The following CENPP variants were observed in gnomAD, a reference collection of about 807,000 sequenced individuals.
CENPP encodes centromere protein P.
A neutral mutation model predicts 35.6 loss-of-function variants in CENPP; 24 were observed. That is an observed-to-expected ratio of 0.67 (90% confidence interval 0.49 to 0.95). CENPP has a LOEUF of 0.95. CENPP is among the 40% of genes least tolerant of loss of function. The pLI is 0.00. For synonymous variants in CENPP, 120 were observed against 125.5 expected (o/e 0.96, Z 0.29); for missense variants, 332 against 345.3 (o/e 0.96, Z 0.31).
At chr9:92,427,641 T>G (rs1002570682) in intron 5 of CENPP, among the ~76,000 whole-genome samples, 14 of 151,628 alleles carry the variant, frequency 9.2e-5, no homozygotes, top group Admixed American at 3.9e-4. Flanking sequence ...CCACCATGTC[T>G]GGCTAATTTT....
intron 5 of CENPP, among the ~76,000 whole-genome samples, chr9:92,447,276 A>G (rs896299463): frequency 2.0e-5 from 3 of 151,980 alleles, no homozygotes; most frequent in Non-Finnish European, 4.4e-5. Context: ...GATCACCATC[A>G]TGTAGAATCA....
intron 5 of CENPP, among the ~76,000 whole-genome samples, chr9:92,551,288 T>C (rs1159423278): frequency 2.0e-5 from 3 of 152,102 alleles, no homozygotes; most frequent in African/African-American, 7.2e-5. Flanking sequence ...AGTAAGGAGT[T>C]AAGTATAGAA....
intron 5 of CENPP, among the ~76,000 whole-genome samples, chr9:92,528,310 AG>A (rs1324731104): frequency 2.0e-5 from 3 of 152,146 alleles, no homozygotes; most frequent in Non-Finnish European, 4.4e-5. Flanking sequence ...AGTTGCAGTG[AG>A]GGGAACACAG....
intron 5 of CENPP, chr9:92,393,238 G>A: frequency 6.4e-6 from 10 of 1,562,440 alleles, no homozygotes; most frequent in Non-Finnish European, 8.7e-6. Context: ...CAGACACGTG[G>A]GCATTTCTAA....
In CENPP at chr9:92,362,623, A is replaced by G. The variant is rs113422587; in HGVS notation, c.467+16836A>G. ...ACTAATTTTTTCTCCTTTGGCTCCA[A>G]TATGCAATCTGTGGGGACAGACTTG... On this transcript the variant is annotated intron_variant, in intron 4 of 7. Transcript: ENST00000375587. 6.6e-3 allele frequency among the ~76,000 whole-genome samples: 1,005 copies of G among 152,302 alleles called. 8 individuals carry two copies. The highest frequency in any genetic ancestry group is 0.01 in the Non-Finnish European group (693 of 68,032).
rs541468778 is a variant in CENPP, at chr9:92,530,620, T to C, written c.565-80694T>C. ...TTATATCTTTCTGGTGCATTTATCATTAGGTGGATACTTTCAGTGTCTCCG... is the reference window on the plus strand; with the variant it reads ...TTATATCTTTCTGGTGCATTTATCACTAGGTGGATACTTTCAGTGTCTCCG... On this transcript the variant is annotated intron_variant, in intron 5 of 7. Transcript: ENST00000375587. 4.6e-5 allele frequency among the ~76,000 whole-genome samples: 7 copies of C among 152,334 alleles called. No homozygotes were observed. The South Asian group carries it at 1.2e-3, about 27-fold the overall frequency.
chr9:92,613,140 GAAC>G lies in CENPP; in HGVS notation c.862_864del (p.Asn288del), dbSNP rs763188931. The G allele has an allele frequency of 2.5e-6, 4 of 1,614,160 alleles. No homozygotes were observed. Among genetic ancestry groups the G allele is most frequent in the Non-Finnish European group, 3.4e-6 (4 of 1,180,022 alleles). On this transcript the variant is annotated inframe_deletion, in exon 8 of 8. Coordinates refer to ENST00000375587, the MANE Select transcript of CENPP (RefSeq NM_001012267.3). ...TGATAAAATCGCTTTGTGCAGAGGA[GAAC>G]AACTAGTTCCAAAACAGTGAACGTG...
chr9:92,374,610 A>G (rs558679435), intron 4 of CENPP, among the ~76,000 whole-genome samples: 2 of 152,110 alleles, frequency 1.3e-5, no homozygotes, highest in South Asian at 2.1e-4. Flanking sequence ...TCTTATATCT[A>G]TGTTTCTCCC....
intron 5 of CENPP, among the ~76,000 whole-genome samples, chr9:92,559,374 C>T (rs904109560): frequency 1.3e-5 from 2 of 152,168 alleles, no homozygotes; most frequent in Non-Finnish European, 2.9e-5. Context: ...AAACTTCTCC[C>T]GCAAACAGAC....
intron 4 of CENPP, among the ~76,000 whole-genome samples, chr9:92,357,144 C>A (rs1841610220): frequency 6.6e-6 from 1 of 151,850 alleles, no homozygotes; most frequent in Admixed American, 6.6e-5. Context: ...ACTATTGTTG[C>A]AAAAATACTA....
chr9:92,440,948 A>G (rs1276377883), intron 5 of CENPP, among the ~76,000 whole-genome samples: 1 of 152,166 alleles, frequency 6.6e-6, no homozygotes. Flanking sequence ...AATGAAACCA[A>G]TTTTACCATA....
intron 5 of CENPP, among the ~76,000 whole-genome samples, chr9:92,591,155 C>T (rs960437967): frequency 6.6e-6 from 1 of 152,112 alleles, no homozygotes; most frequent in South Asian, 2.1e-4. Flanking sequence ...TGCGGTGGCT[C>T]ACGCCTGTAA....
chr9:92,353,707 T>A (rs1841522711), intron 4 of CENPP, among the ~76,000 whole-genome samples: 1 of 152,158 alleles, frequency 6.6e-6, no homozygotes, highest in Non-Finnish European at 1.5e-5. Context: ...CGTTCCTCCC[T>A]CTGGAACTAA....
At chr9:92,562,325 C>T (rs1849868803) in intron 5 of CENPP, among the ~76,000 whole-genome samples, 2 of 151,746 alleles carry the variant, frequency 1.3e-5, no homozygotes, top group Admixed American at 6.6e-5. Context: ...CTGCCTCAGC[C>T]GCCTGAGTAG....
intron 5 of CENPP, chr9:92,514,728 C>T (rs749910227): frequency 6.2e-7 from 1 of 1,607,796 alleles, no homozygotes; most frequent in Non-Finnish European, 8.5e-7. Flanking sequence ...ACAGAGAGCA[C>T]CCGCTTGGCA....
chr9:92,551,941 A>ATAT (rs1554686278), intron 5 of CENPP, among the ~76,000 whole-genome samples: 1 of 64,712 alleles, frequency 1.5e-5, no homozygotes, highest in Admixed American at 1.2e-4. Flanking sequence ...ATATATATAT[A>ATAT]TATATATATA....
chr9:92,456,911 A>T lies in CENPP; in HGVS notation c.564+77052A>T, dbSNP rs1007636347. 3.0e-6 allele frequency: 3 copies of T among 1,004,582 alleles called. No homozygotes were observed. In the African/African-American group the frequency reaches 5.2e-5, roughly 17 times the overall value. The allele number at this position is 1,004,582 out of a possible 1,614,324, so 62.2% of individuals were successfully genotyped here. On this transcript the variant is annotated intron_variant, in intron 5 of 7. Transcript: ENST00000375587. ...CTGTTTTTCTAACAGCAAATGAAAGAGCACAAATTTTGCTAAGTCAAGCAT... is the reference window on the plus strand; with the variant it reads ...CTGTTTTTCTAACAGCAAATGAAAGTGCACAAATTTTGCTAAGTCAAGCAT...
chr9:92,616,093 C>A lies in CENPP; in HGVS notation c.*2944C>A, dbSNP rs749920779. 2.6e-5 allele frequency: 38 copies of A among 1,438,328 alleles called. No homozygotes were observed. Among genetic ancestry groups the A allele is most frequent in the Non-Finnish European group, 3.4e-5 (35 of 1,031,980 alleles). The allele number at this position is 1,438,328 out of a possible 1,614,324, so 89.1% of individuals were successfully genotyped here. ...AAAGTACCATTTCAGGATACACAAG[C>A]CCCCCATTCATTTCCCTCCCTCCCG... On this transcript the variant is annotated 3_prime_UTR_variant, in exon 8 of 8. Transcript: ENST00000375587.
intron 1 of CENPP, among the ~76,000 whole-genome samples, chr9:92,327,417 G>T (rs942001222): frequency 5.3e-5 from 8 of 152,228 alleles, no homozygotes; most frequent in African/African-American, 1.9e-4. Flanking sequence ...AGGGATTTAT[G>T]CTGTATGAGT....
Sources: allele counts gnomAD v4.1 joint callset (sites outside exome capture counted in the v4.1 genomes callset), GRCh38; gene constraint gnomAD v4.1.1; transcripts MANE v1.5; gene names NCBI Gene and HGNC (gene_info 2026-07-23, HGNC 2026-07-21).